CA1: variants seen among roughly 807,000 people sequenced by gnomAD.
CA1 encodes carbonic anhydrase 1.
In CA1, 27 loss-of-function variants were observed where a neutral mutation model predicts 28.8. The ratio of observed to expected loss-of-function variants is 0.94; its 90% CI spans 0.69 to 1.29. The LOEUF (loss-of-function observed/expected upper bound fraction) is 1.29, where lower values mean the gene tolerates loss of function less well. CA1 is among the 50% of genes most tolerant of loss of function. The pLI is 0.00. For synonymous variants in CA1, 121 were observed against 108.8 expected (o/e 1.11, Z -0.70); for missense variants, 335 against 310.5 (o/e 1.08, Z -0.59).
chr8:85,376,544 C>A (rs1465680549), intron 1 of CA1, among the ~76,000 whole-genome samples: 1 of 151,442 alleles, frequency 6.6e-6, no homozygotes, highest in African/African-American at 2.4e-5. Flanking sequence ...TGCCTGTAGT[C>A]CCAGGTACTC....
chr8:85,340,021 G>A (rs371032597), intron 2 of CA1, among the ~76,000 whole-genome samples: 10 of 152,292 alleles, frequency 6.6e-5, no homozygotes, highest in African/African-American at 2.2e-4. Flanking sequence ...TACAGAAGCC[G>A]CAGACAGTTA....
At chr8:85,344,689 TA>T (rs1809107189) in intron 1 of CA1, among the ~76,000 whole-genome samples, 1 of 151,992 alleles carries the variant, frequency 6.6e-6, no homozygotes, top group African/African-American at 2.4e-5. Flanking sequence ...CTCTCTGCTA[TA>T]AAAGGAACAA....
At chr8:85,343,833 G>A (rs150337208) in intron 1 of CA1, among the ~76,000 whole-genome samples, 19 of 151,806 alleles carry the variant, frequency 1.3e-4, no homozygotes, top group Middle Eastern at 6.8e-3. Context: ...ATAGAGAAAG[G>A]ATATAAAGTT....
intron 1 of CA1, among the ~76,000 whole-genome samples, chr8:85,356,751 G>A (rs1809620355): frequency 1.3e-5 from 2 of 152,080 alleles, no homozygotes; most frequent in Non-Finnish European, 2.9e-5. Flanking sequence ...ATGATTAATA[G>A]CCTGAAATCA....
chr8:85,350,435 G>A (rs1809362538), intron 1 of CA1, among the ~76,000 whole-genome samples: 1 of 152,190 alleles, frequency 6.6e-6, no homozygotes. Flanking sequence ...GCTCTTAATT[G>A]CATCGCCTTG....
Position 85,340,341 on chromosome 8 carries a change from G to A in CA1, c.37+1258C>T, listed in dbSNP as rs556669835. Among the ~76,000 whole-genome samples the A allele has an allele frequency of 3.3e-5, 5 of 152,290 alleles. No individual in the cohort carries two copies. The South Asian group carries it at 1.0e-3, about 32-fold the overall frequency. ...AAGGAACAACAAAGCCTGAATGACA[G>A]CACATCTATTTACAGCCTGGTTTAC... On this transcript the variant is annotated intron_variant, in intron 2 of 7. Coordinates refer to ENST00000523022, the MANE Select transcript of CA1 (RefSeq NM_001128831.4).
At position 85,341,741 on chromosome 8, in the gene CA1, T is replaced by C. The variant is rs538698304; in HGVS notation, c.-24-82A>G. 1.5e-5 allele frequency: 12 copies of C among 779,052 alleles called. No homozygotes were observed. In the African/African-American group the frequency reaches 1.7e-4, roughly 11 times the overall value. The allele number at this position is 779,052 out of a possible 1,614,324, so 48.3% of individuals were successfully genotyped here. A position where few individuals can be genotyped will look rare whatever the true frequency, so the allele number is the denominator to read the frequency against. ...CCTTAAATCCCTGCTTGGGCGTTTTTATAGAAACTTACTTGCTTTTAATAG... is the reference window on the plus strand; with the variant it reads ...CCTTAAATCCCTGCTTGGGCGTTTTCATAGAAACTTACTTGCTTTTAATAG... On this transcript the variant is annotated intron_variant, in intron 1 of 7. Transcript: ENST00000523022.
At chr8:85,371,596 G>T (rs1810230556) in intron 1 of CA1, among the ~76,000 whole-genome samples, 1 of 152,134 alleles carries the variant, frequency 6.6e-6, no homozygotes, top group African/African-American at 2.4e-5. Context: ...AATCTTGTCA[G>T]CAGTAGTCAG....
At chr8:85,361,826 C>T (rs1809807281) in intron 1 of CA1, among the ~76,000 whole-genome samples, 1 of 152,138 alleles carries the variant, frequency 6.6e-6, no homozygotes, top group Non-Finnish European at 1.5e-5. Context: ...CTATTAGCAC[C>T]AATTCACCAG....
chr8:85,359,473 A>T (rs1003326979), intron 1 of CA1, among the ~76,000 whole-genome samples: 1 of 152,134 alleles, frequency 6.6e-6, no homozygotes, highest in Non-Finnish European at 1.5e-5. Flanking sequence ...AAATAGAAAG[A>T]CGTGGAATTG....
intron 1 of CA1, among the ~76,000 whole-genome samples, chr8:85,364,079 G>A (rs1377731182): frequency 2.0e-5 from 3 of 151,852 alleles, no homozygotes; most frequent in African/African-American, 4.8e-5. Flanking sequence ...GGGCTCAAGC[G>A]ATCTGCCCAC....
At chr8:85,334,182 A>G (rs1808540302) in intron 4 of CA1, among the ~76,000 whole-genome samples, 1 of 152,236 alleles carries the variant, frequency 6.6e-6, no homozygotes, top group South Asian at 2.1e-4. Context: ...GATGTCTAAT[A>G]GATGTTTCAG....
At chr8:85,337,660 T>C (rs893576205) in intron 3 of CA1, among the ~76,000 whole-genome samples, 1 of 152,144 alleles carries the variant, frequency 6.6e-6, no homozygotes, top group Non-Finnish European at 1.5e-5. Context: ...TAATCTAATA[T>C]TAATAATGGA....
At chr8:85,352,195 T>C (rs1809437630) in intron 1 of CA1, among the ~76,000 whole-genome samples, 1 of 152,170 alleles carries the variant, frequency 6.6e-6, no homozygotes, top group African/African-American at 2.4e-5. Context: ...GGAGAAAGTA[T>C]GTTTTGAACT....
intron 1 of CA1, among the ~76,000 whole-genome samples, chr8:85,365,190 C>T (rs745613835): frequency 7.9e-5 from 12 of 152,076 alleles, no homozygotes; most frequent in South Asian, 2.1e-4. Flanking sequence ...GCTTGTGAGA[C>T]GATATTACAT....
intron 2 of CA1, 138 bp downstream of exon 2, chr8:85,341,461 A>G (rs886233652): frequency 3.0e-6 from 2 of 658,126 alleles, no homozygotes; most frequent in African/African-American, 1.8e-5. Flanking sequence ...AATACATGCA[A>G]AGATAGTATA....
At chr8:85,331,432 C>T (rs2130129047) in intron 6 of CA1, among the ~76,000 whole-genome samples, 1 of 151,824 alleles carries the variant, frequency 6.6e-6, no homozygotes, top group South Asian at 2.1e-4. Context: ...CTTACTTAGC[C>T]ATCATTTTTC....
At chr8:85,365,944 A>G (rs993880324) in intron 1 of CA1, among the ~76,000 whole-genome samples, 1 of 152,132 alleles carries the variant, frequency 6.6e-6, no homozygotes. Context: ...CCCTGGGATA[A>G]GGAACTCAGA....
chr8:85,337,926 T>C (rs990496999), intron 3 of CA1: 3 of 419,758 alleles, frequency 7.1e-6, no homozygotes, highest in African/African-American at 6.1e-5. Flanking sequence ...TTAGTTGTTA[T>C]ATTTGTAATG....
Sources: allele counts gnomAD v4.1 joint callset (sites outside exome capture counted in the v4.1 genomes callset), GRCh38; gene constraint gnomAD v4.1.1; transcripts MANE v1.5; gene names NCBI Gene and HGNC (gene_info 2026-07-23, HGNC 2026-07-21).